Variants in PTPRE observed in about 807,000 individuals in gnomAD.
PTPRE encodes the protein protein tyrosine phosphatase receptor type E.
Under a neutral mutation model 102.0 loss-of-function variants are expected in PTPRE, and 51 were observed. The ratio of observed to expected loss-of-function variants is 0.50; its 90% CI spans 0.40 to 0.63. The LOEUF (loss-of-function observed/expected upper bound fraction) is 0.63, where lower values mean the gene tolerates loss of function less well. PTPRE is among the 30% of genes least tolerant of loss of function. PTPRE has a pLI of 0.00. For synonymous variants in PTPRE, 345 were observed against 348.2 expected (o/e 0.99, Z 0.10); for missense variants, 752 against 915.1 (o/e 0.82, Z 2.30).
rs772858616 is a variant in PTPRE, at chr10:128,068,305, G to A, written c.1007+19G>A. On this transcript the variant is annotated intron_variant, in intron 12 of 20. Coordinates refer to ENST00000254667, the MANE Select transcript of PTPRE (RefSeq NM_006504.6). ...ACTGTAGGTACGCTGTGGGGGCCACGGGGCGGGACCCTCAAGGGCAGGCCA... is the reference window on the plus strand; with the variant it reads ...ACTGTAGGTACGCTGTGGGGGCCACAGGGCGGGACCCTCAAGGGCAGGCCA... 4.4e-6 allele frequency: 7 copies of A among 1,601,438 alleles called. No homozygotes were observed. The highest frequency in any genetic ancestry group is 2.2e-5 in the South Asian group (2 of 90,066).
intron 6 of PTPRE, among the ~76,000 whole-genome samples, chr10:128,050,568 G>A (rs993168106): frequency 4.6e-5 from 7 of 152,236 alleles, no homozygotes; most frequent in South Asian, 2.1e-4. Flanking sequence ...ATCCTTGGTC[G>A]TGTTTTGAAT....
At chr10:127,953,831 C>T (rs780862706) in intron 1 of PTPRE, among the ~76,000 whole-genome samples, 4 of 152,200 alleles carry the variant, frequency 2.6e-5, no homozygotes, top group Non-Finnish European at 5.9e-5. Context: ...ATGGGCAAAA[C>T]ACTGGGCAAT....
chr10:128,011,916 C>T (rs1477922714), intron 2 of PTPRE, among the ~76,000 whole-genome samples: 1 of 152,248 alleles, frequency 6.6e-6, no homozygotes, highest in Non-Finnish European at 1.5e-5. Flanking sequence ...TGTGTCCTCA[C>T]CCATCCTAAG....
At chr10:127,930,764 T>C (rs1042274788) in intron 1 of PTPRE, among the ~76,000 whole-genome samples, 1 of 152,074 alleles carries the variant, frequency 6.6e-6, no homozygotes, top group Non-Finnish European at 1.5e-5. Context: ...ACATTTGCTA[T>C]TGCCAGTTAT....
chr10:128,018,987 T>C (rs550649813), intron 2 of PTPRE, among the ~76,000 whole-genome samples: 1 of 152,338 alleles, frequency 6.6e-6, no homozygotes, highest in African/African-American at 2.4e-5. Flanking sequence ...AAACACCACA[T>C]TGAAATCAAG....
At chr10:127,909,647 T>G (rs1305899701) in intron 1 of PTPRE, among the ~76,000 whole-genome samples, 1 of 152,210 alleles carries the variant, frequency 6.6e-6, no homozygotes, top group African/African-American at 2.4e-5. Flanking sequence ...GCCTCCATGT[T>G]GCTTCTGAAA....
At chr10:127,987,448 T>A (rs1414160879) in intron 2 of PTPRE, 1 of 842,916 alleles carries the variant, frequency 1.2e-6, no homozygotes, top group African/African-American at 1.8e-5. Context: ...TGTGTCATGG[T>A]TGCTTCTAAT....
chr10:128,014,902 G>A (rs1845298281), intron 2 of PTPRE, among the ~76,000 whole-genome samples: 1 of 152,066 alleles, frequency 6.6e-6, no homozygotes, highest in Admixed American at 6.6e-5. Context: ...CTGGGAATGG[G>A]ATGGGGTGGG....
Position 127,907,817 on chromosome 10 carries a change from C to A in PTPRE, c.-31+508C>A, listed in dbSNP as rs1026256744. ...GGATGCTGCCCCGCAGCCGGGCGGG[C>A]GCCCGCGCCTTCCCAGGGAGGCAGG... On this transcript the variant is annotated intron_variant, in intron 1 of 20. Coordinates refer to ENST00000254667, the MANE Select transcript of PTPRE (RefSeq NM_006504.6). The surrounding 1 kb of genome is among the most constrained non-coding windows in gnomAD (Gnocchi z 4.8). 6.6e-6 allele frequency among the ~76,000 whole-genome samples: 1 copy of A among 152,238 alleles called. No homozygotes were observed. Among genetic ancestry groups the A allele is most frequent in the Non-Finnish European group, 1.5e-5 (1 of 68,038 alleles).
chr10:127,911,890 T>C (rs1024339995), intron 1 of PTPRE, among the ~76,000 whole-genome samples: 1 of 152,130 alleles, frequency 6.6e-6, no homozygotes, highest in African/African-American at 2.4e-5. Context: ...TTTTTTTTTT[T>C]CACCAAAAGC....
intron 2 of PTPRE, among the ~76,000 whole-genome samples, chr10:128,011,428 G>A (rs1210912267): frequency 6.6e-6 from 1 of 152,208 alleles, no homozygotes; most frequent in East Asian, 1.9e-4. Context: ...CCCGGAGGAG[G>A]CGCGGGTTAG....
At chr10:127,929,847 G>A (rs1435725689) in intron 1 of PTPRE, among the ~76,000 whole-genome samples, 7 of 151,908 alleles carry the variant, frequency 4.6e-5, no homozygotes, top group Non-Finnish European at 1.0e-4. Context: ...ACTTGAGGTC[G>A]GGAGTTGGAG....
chr10:128,047,564 T>C lies in PTPRE; in HGVS notation c.209+75T>C, dbSNP rs567526276. 3.0e-3 allele frequency: 4,803 copies of C among 1,611,026 alleles called. 15 individuals carry two copies. The highest frequency in any genetic ancestry group is 3.7e-3 in the South Asian group (337 of 91,028). On this transcript the variant is annotated intron_variant, in intron 4 of 20. Coordinates refer to ENST00000254667, the MANE Select transcript of PTPRE (RefSeq NM_006504.6). Reference sequence around the variant, plus strand: ...AATGAGCCTTCTGATGCTGTGGGCGTGGGCTGTGCAGCAGAGGGCAGCTGA... The same window carrying C: ...AATGAGCCTTCTGATGCTGTGGGCGCGGGCTGTGCAGCAGAGGGCAGCTGA...
At chr10:127,928,324 G>T (rs1193485670) in intron 1 of PTPRE, among the ~76,000 whole-genome samples, 4 of 152,098 alleles carry the variant, frequency 2.6e-5, no homozygotes, top group African/African-American at 9.7e-5. Flanking sequence ...TTCCTGTCCT[G>T]CTCCCTCTTT....
At position 128,082,927 on chromosome 10, in the gene PTPRE, T is replaced by A. The variant is rs764319806; in HGVS notation, c.*21T>A. ...AATGAAGATTCCTGCCTTAAAATAT[T>A]TTTTAATTTAATGGTCAGTATATTT... On this transcript the variant is annotated 3_prime_UTR_variant, in exon 21 of 21. Transcript: ENST00000254667. 1 of 1,528,108 alleles carries A rather than the reference T, an allele frequency of 6.5e-7. No homozygotes were observed. Among genetic ancestry groups the A allele is most frequent in the Admixed American group, 2.3e-5 (1 of 43,954 alleles). 94.7% of individuals were successfully genotyped at this position (1,528,108 alleles called of 1,614,324 possible).
At chr10:128,011,437 A>G (rs763586913) in intron 2 of PTPRE, among the ~76,000 whole-genome samples, 1 of 152,208 alleles carries the variant, frequency 6.6e-6, no homozygotes, top group Non-Finnish European at 1.5e-5. Flanking sequence ...GGCGCGGGTT[A>G]GGAAGGTTCT....
At chr10:128,078,414 C>T (rs1258035976) in intron 19 of PTPRE, among the ~76,000 whole-genome samples, 1 of 152,290 alleles carries the variant, frequency 6.6e-6, no homozygotes, top group African/African-American at 2.4e-5. Flanking sequence ...CCTTCTGTGC[C>T]TCTGTAGTTC....
chr10:128,033,812 T>G (rs920394806), intron 2 of PTPRE, among the ~76,000 whole-genome samples: 11 of 152,194 alleles, frequency 7.2e-5, no homozygotes, highest in Admixed American at 7.2e-4. Context: ...ACCCATCTAA[T>G]TTTTGTATTT....
At chr10:127,957,222 A>G (rs1006795974) in intron 1 of PTPRE, among the ~76,000 whole-genome samples, 1 of 152,146 alleles carries the variant, frequency 6.6e-6, no homozygotes, top group African/African-American at 2.4e-5. Context: ...ATTTAGGTCT[A>G]TGATCTATTT....
Sources: gnomAD v4.1 joint callset for allele counts (sites outside exome capture counted in the v4.1 genomes callset) on GRCh38, gnomAD v4.1.1 for gene constraint, Gnocchi (gnomAD v3.1) non-coding constraint, MANE v1.5 for transcripts, NCBI Gene and HGNC (gene_info 2026-07-23, HGNC 2026-07-21) for gene names.